Variants in LRRC56 observed in about 807,000 individuals in gnomAD.
The protein encoded by LRRC56 is leucine rich repeat containing 56.
In LRRC56, 41 loss-of-function variants were observed where a neutral mutation model predicts 47.8. That is an observed-to-expected ratio of 0.86 (90% CI 0.67 to 1.11). The LOEUF (loss-of-function observed/expected upper bound fraction) is 1.11, where lower values mean the gene tolerates loss of function less well. LRRC56 is among the 50% of genes most tolerant of loss of function. The probability of loss-of-function intolerance (pLI) is 0.00; values close to 1 mark genes in which losing one functional copy is unlikely to be tolerated. For missense variants in LRRC56, 759 were observed against 704.2 expected (o/e 1.08, Z -0.88); for synonymous variants, 387 against 311.2 (o/e 1.24, Z -2.56).
At chr11:533,515 C>G (rs1564788957), upstream of LRRC56, 1 of 1,613,742 alleles carries the variant, frequency 6.2e-7, no homozygotes, top group African/African-American at 1.3e-5. Context: ...AGGTCCTGAG[C>G]CTGCCGAGAT....
At chr11:543,601 G>T (rs767926417) in intron 5 of LRRC56, among the ~76,000 whole-genome samples, 14 of 152,146 alleles carry the variant, frequency 9.2e-5, no homozygotes, top group Non-Finnish European at 1.3e-4. Context: ...GGTGAACCAG[G>T]CCCATCTTGA....
chr11:536,005 C>G (rs1048503768), upstream of LRRC56, among the ~76,000 whole-genome samples: 2 of 152,188 alleles, frequency 1.3e-5, no homozygotes, highest in African/African-American at 2.4e-5. Context: ...GGGACCAAGG[C>G]GGGATGCTCG....
chr11:515,357 C>T, the LRRC56 span, among the ~76,000 whole-genome samples: 1,019 of 152,300 alleles, frequency 6.7e-3, 9 homozygotes, highest in Admixed American at 0.012. Context: ...CCAGCCTGGG[C>T]TTGTCTTCTC....
chr11:520,567 C>T, the LRRC56 span, among the ~76,000 whole-genome samples: 1 of 152,160 alleles, frequency 6.6e-6, no homozygotes, highest in Non-Finnish European at 1.5e-5. Context: ...GATCCGCCCA[C>T]CTCAGCCTCC....
upstream of LRRC56, chr11:536,885 C>T (rs887552781): frequency 6.6e-6 from 1 of 152,278 alleles, no homozygotes; most frequent in Non-Finnish European, 1.5e-5. Context: ...TCCCGGGGGT[C>T]CCGCCTGCCG....
upstream of LRRC56, chr11:537,243 G>A (rs1851550946): frequency 6.6e-6 from 1 of 152,226 alleles, no homozygotes; most frequent in Non-Finnish European, 1.5e-5. Flanking sequence ...GCATCGCGAC[G>A]GCCCAGGCAC....
the LRRC56 span, among the ~76,000 whole-genome samples, chr11:508,772 G>A: frequency 2.4e-4 from 36 of 151,164 alleles, no homozygotes; most frequent in Non-Finnish European, 2.5e-4. Context: ...GGCTGGGCGC[G>A]GTGGCTCACA....
chr11:550,331 C>G, intron 8 of LRRC56, 59 bp downstream of exon 8: 1 of 1,449,500 alleles, frequency 6.9e-7, no homozygotes, highest in Non-Finnish European at 9.1e-7. Context: ...CCCTGTGGCT[C>G]CAGCCCCGGG....
At chr11:518,339 G>A in the LRRC56 span, among the ~76,000 whole-genome samples, 4 of 151,920 alleles carry the variant, frequency 2.6e-5, no homozygotes, top group African/African-American at 7.3e-5. Context: ...CCGCCACCAC[G>A]CCCAGCTAAT....
chr11:514,837 C>T, the LRRC56 span, among the ~76,000 whole-genome samples: 2 of 152,206 alleles, frequency 1.3e-5, no homozygotes, highest in South Asian at 4.2e-4. Flanking sequence ...AGAACTGAAC[C>T]GTGGTAACCC....
chr11:507,722 C>T, the LRRC56 span, among the ~76,000 whole-genome samples: 1 of 152,216 alleles, frequency 6.6e-6, no homozygotes, highest in African/African-American at 2.4e-5. Flanking sequence ...GTCGGGGTCG[C>T]GACTCTAGGC....
At chr11:533,601 T>G (rs1131691997), upstream of LRRC56, 1 of 1,613,796 alleles carries the variant, frequency 6.2e-7, no homozygotes, top group Non-Finnish European at 8.5e-7. Context: ...CTTCACCCGT[T>G]TGATCTGCTC....
chr11:533,201 G>A (rs1009971725), upstream of LRRC56: 27 of 1,297,250 alleles, frequency 2.1e-5, no homozygotes, highest in South Asian at 4.1e-5. Context: ...GAGCTGTGTC[G>A]GCCCAGGACT....
intron 3 of LRRC56, among the ~76,000 whole-genome samples, chr11:540,346 G>T (rs1051170154): frequency 3.2e-4 from 48 of 152,330 alleles, no homozygotes; most frequent in African/African-American, 9.9e-4. Context: ...CAGCCCCTGT[G>T]GGCCTCAGGT....
chr11:550,377 G>A (rs1356886084), intron 8 of LRRC56, 105 bp downstream of exon 8: 28 of 1,038,060 alleles, frequency 2.7e-5, no homozygotes, highest in Non-Finnish European at 2.2e-5. Flanking sequence ...GTGCCCACCC[G>A]CACCCTATGG....
chr11:553,738 G>C (rs996813898), intron 13 of LRRC56, among the ~76,000 whole-genome samples: 2 of 152,218 alleles, frequency 1.3e-5, no homozygotes, highest in South Asian at 2.1e-4. Context: ...CCAGAACCAG[G>C]CTTCGTGGCC....
At chr11:542,580 CAAA>C (rs71022928) in intron 5 of LRRC56, among the ~76,000 whole-genome samples, 8 of 26,008 alleles carry the variant, frequency 3.1e-4, no homozygotes, top group African/African-American at 8.6e-4. Flanking sequence ...AACCCTGTCG[CAAA>C]AAAAAAAAAA....
At chr11:512,464 A>T in the LRRC56 span, among the ~76,000 whole-genome samples, 1 of 151,770 alleles carries the variant, frequency 6.6e-6, no homozygotes, top group Non-Finnish European at 1.5e-5. Flanking sequence ...CAAACTCCTG[A>T]CCTCAAATGA....
intron 6 of LRRC56, among the ~76,000 whole-genome samples, chr11:547,301 A>T (rs1274437071): frequency 6.8e-6 from 1 of 146,812 alleles, no homozygotes; most frequent in Non-Finnish European, 1.5e-5. Flanking sequence ...TGATATTCTA[A>T]TGGAGATGGC....
Sources: gnomAD v4.1 joint callset for allele counts (sites outside exome capture counted in the v4.1 genomes callset) on GRCh38, gnomAD v4.1.1 for gene constraint, MANE v1.5 for transcripts, NCBI Gene and HGNC (gene_info 2026-07-23, HGNC 2026-07-21) for gene names.